Variants in KLHL32 observed in about 807,000 individuals in gnomAD.
The protein encoded by KLHL32 is kelch like family member 32.
KLHL32 carries 35 observed loss-of-function variants against 64.8 expected under a neutral mutation model. The observed-to-expected ratio is 0.54, with a 90% CI of 0.41 to 0.72. KLHL32 has a LOEUF of 0.72. Among genes scored for constraint, KLHL32 ranks in the 30% least tolerant of loss-of-function variants. KLHL32 has a pLI of 0.00. For missense variants in KLHL32, 589 were observed against 768.5 expected, an observed-to-expected ratio of 0.77 and a Z score of 2.76; for synonymous variants, 259 against 281.0, an observed-to-expected ratio of 0.92 and a Z score of 0.78.
At chr6:97,067,635 C>G (rs1241720540) in intron 5 of KLHL32, among the ~76,000 whole-genome samples, 6 of 152,178 alleles carry the variant, frequency 3.9e-5, no homozygotes, top group Non-Finnish European at 7.3e-5. Flanking sequence ...ACTCCCATTT[C>G]CACTGCTAAG....
intron 3 of KLHL32, among the ~76,000 whole-genome samples, chr6:96,988,232 A>T (rs1777368747): frequency 6.6e-6 from 1 of 152,294 alleles, no homozygotes; most frequent in Non-Finnish European, 1.5e-5. Flanking sequence ...TCCAGAATCT[A>T]CAATGAACTC....
intron 4 of KLHL32, among the ~76,000 whole-genome samples, chr6:97,044,278 T>A (rs913261332): frequency 7.2e-5 from 11 of 152,164 alleles, no homozygotes; most frequent in Admixed American, 2.0e-4. Context: ...ATTCTGTTAA[T>A]ATGGTATATT....
At chr6:97,051,273 T>C (rs763998984) in intron 4 of KLHL32, among the ~76,000 whole-genome samples, 2 of 152,220 alleles carry the variant, frequency 1.3e-5, no homozygotes, top group Non-Finnish European at 2.9e-5. Flanking sequence ...GGATTTGTTG[T>C]TCTTTCCTCC....
chr6:96,928,764 G>A (rs1769484663), intron 1 of KLHL32, among the ~76,000 whole-genome samples: 1 of 152,164 alleles, frequency 6.6e-6, no homozygotes. Context: ...TTTCAAAAAT[G>A]GGAAAAGATT....
At chr6:96,932,777 C>T (rs1199141014) in intron 1 of KLHL32, among the ~76,000 whole-genome samples, 1 of 151,958 alleles carries the variant, frequency 6.6e-6, no homozygotes, top group African/African-American at 2.4e-5. Flanking sequence ...CACTATGTTT[C>T]CCTGGCTGGT....
At position 97,132,641 on chromosome 6, in the gene KLHL32, TCTTTA is replaced by T. The variant is rs370025930; in HGVS notation, c.1607-6_1607-2del. Reference sequence around the variant, plus strand: ...GATTTTTTTTCTTTTTATTCAATTCTCTTTACTTTAGGCCAAAATGAATCTGGAGT... The same window carrying T: ...GATTTTTTTTCTTTTTATTCAATTCTCTTTAGGCCAAAATGAATCTGGAGT... On this transcript the variant is annotated splice_region_variant and splice_polypyrimidine_tract_variant and intron_variant, in intron 9 of 10. Coordinates refer to ENST00000369261, the MANE Select transcript of KLHL32 (RefSeq NM_052904.4). 4.3e-5 allele frequency: 67 copies of T among 1,574,894 alleles called. No homozygotes were observed. Among genetic ancestry groups the T allele is most frequent in the African/African-American group, 2.2e-4 (16 of 73,838 alleles).
intron 1 of KLHL32, among the ~76,000 whole-genome samples, chr6:96,925,347 T>G (rs114781333): frequency 6.6e-6 from 1 of 152,356 alleles, no homozygotes; most frequent in Non-Finnish European, 1.5e-5. Context: ...CGTTATTTAT[T>G]TTGATATTTA....
At chr6:96,922,057 T>G (rs1361098778), upstream of KLHL32, among the ~76,000 whole-genome samples, 1 of 152,220 alleles carries the variant, frequency 6.6e-6, no homozygotes, top group East Asian at 1.9e-4. Context: ...GACATGAACC[T>G]AGTTTTCAGT....
intron 5 of KLHL32, among the ~76,000 whole-genome samples, chr6:97,069,035 G>A (rs900063409): frequency 1.9e-4 from 29 of 152,080 alleles, no homozygotes; most frequent in Admixed American, 9.8e-4. Flanking sequence ...AGAAGGGGGG[G>A]GTCTGTTGCA....
intron 5 of KLHL32, among the ~76,000 whole-genome samples, chr6:97,067,717 T>C (rs748351760): frequency 6.6e-6 from 1 of 152,232 alleles, no homozygotes; most frequent in East Asian, 1.9e-4. Context: ...ACTAGGATGT[T>C]GATCTGGCTT....
chr6:97,016,637 T>G (rs1159124826), intron 3 of KLHL32, among the ~76,000 whole-genome samples: 1 of 152,206 alleles, frequency 6.6e-6, no homozygotes, highest in Non-Finnish European at 1.5e-5. Context: ...AATGTTGGAT[T>G]GAGTTAAGAC....
At chr6:97,028,469 T>C (rs1347426589) in intron 3 of KLHL32, among the ~76,000 whole-genome samples, 1 of 152,224 alleles carries the variant, frequency 6.6e-6, no homozygotes, top group Non-Finnish European at 1.5e-5. Flanking sequence ...AATCCCCCTC[T>C]CTGTCTCCTC....
intron 3 of KLHL32, among the ~76,000 whole-genome samples, chr6:96,999,009 G>A (rs1778713414): frequency 6.6e-6 from 1 of 152,172 alleles, no homozygotes; most frequent in South Asian, 2.1e-4. Flanking sequence ...AAGATATTAT[G>A]AAGATCCTAA....
At chr6:97,111,035 G>T (rs184413903) in intron 6 of KLHL32, among the ~76,000 whole-genome samples, 21 of 151,824 alleles carry the variant, frequency 1.4e-4, no homozygotes, top group South Asian at 4.1e-4. Context: ...AGTCTTGGGG[G>T]GGGGGGGTCT....
At position 97,140,685 on chromosome 6, in the gene KLHL32, A is replaced by ATTGT. The variant is rs1800597470; in HGVS notation, c.*1405_*1408dup. The ATTGT allele has an allele frequency of 6.6e-6, 1 of 151,982 alleles. No individual in the cohort carries two copies. Among genetic ancestry groups the ATTGT allele is most frequent in the African/African-American group, 2.4e-5 (1 of 41,432 alleles). The allele number at this position is 151,982 out of a possible 1,614,324, so 9.4% of individuals were successfully genotyped here. ...TTCAGGAATCCCTCTCTTAAAGGAA[A>ATTGT]TTGTTATTTTATTCATGTAACCTTT... is the stretch of plus-strand genomic sequence containing the variant. On this transcript the variant is annotated 3_prime_UTR_variant, in exon 11 of 11. Transcript: ENST00000369261.
At chr6:97,097,959 T>C (rs924634073) in intron 6 of KLHL32, among the ~76,000 whole-genome samples, 1 of 152,250 alleles carries the variant, frequency 6.6e-6, no homozygotes, top group African/African-American at 2.4e-5. Flanking sequence ...GTTTGTAGAA[T>C]TCCTGCTTCC....
chr6:97,033,324 G>T (rs931649862), intron 3 of KLHL32, among the ~76,000 whole-genome samples: 3 of 152,044 alleles, frequency 2.0e-5, no homozygotes, highest in African/African-American at 7.2e-5. Flanking sequence ...TGTCGTCCAA[G>T]TTCATCCATA....
intron 7 of KLHL32, among the ~76,000 whole-genome samples, chr6:97,115,128 A>C (rs1417273004): frequency 6.6e-6 from 1 of 152,052 alleles, no homozygotes; most frequent in Non-Finnish European, 1.5e-5. Context: ...TGATCCTCCC[A>C]CCTCAGCTTC....
intron 7 of KLHL32, among the ~76,000 whole-genome samples, chr6:97,122,349 T>C (rs1798453568): frequency 1.3e-5 from 2 of 152,224 alleles, no homozygotes. Flanking sequence ...TTTAATTTAA[T>C]GCATGGATTA....
Sources: gnomAD v4.1 joint callset for allele counts (sites outside exome capture counted in the v4.1 genomes callset) on GRCh38, gnomAD v4.1.1 for gene constraint, MANE v1.5 for transcripts, NCBI Gene and HGNC (gene_info 2026-07-23, HGNC 2026-07-21) for gene names.